Variants in KIF13B observed in about 807,000 individuals in gnomAD.
KIF13B encodes the protein kinesin family member 13B.
KIF13B carries 127 observed loss-of-function variants against 222.0 expected under a neutral mutation model. The observed-to-expected ratio is 0.57, with a 90% CI of 0.50 to 0.66. The LOEUF is 0.66. KIF13B is among the 30% of genes least tolerant of loss of function. The probability of loss-of-function intolerance (pLI) is 0.00; values close to 1 mark genes in which losing one functional copy is unlikely to be tolerated. For synonymous variants in KIF13B, 976 were observed against 919.0 expected, an observed-to-expected ratio of 1.06 and a Z score of -1.12; for missense variants, 2,173 against 2,379.0, an observed-to-expected ratio of 0.91 and a Z score of 1.80.
chr8:29,247,002 A>G (rs2130658496), intron 1 of KIF13B, among the ~76,000 whole-genome samples: 1 of 152,350 alleles, frequency 6.6e-6, no homozygotes, highest in Middle Eastern at 3.4e-3. Flanking sequence ...AGAAGAATAC[A>G]AAAGTGTATA....
chr8:29,245,208 G>T, intron 2 of KIF13B, 138 bp downstream of exon 2: 1 of 672,650 alleles, frequency 1.5e-6, no homozygotes, highest in Non-Finnish European at 2.6e-6. Flanking sequence ...TTCAACTTGA[G>T]TACAGGCTCA....
At chr8:29,106,104 G>A (rs570991744) in intron 35 of KIF13B, among the ~76,000 whole-genome samples, 29 of 152,168 alleles carry the variant, frequency 1.9e-4, no homozygotes, top group African/African-American at 5.5e-4. Context: ...AAAAAGTCAC[G>A]TACAATCAAT....
At chr8:29,187,493 T>G (rs1239507612) in intron 5 of KIF13B, among the ~76,000 whole-genome samples, 1 of 152,230 alleles carries the variant, frequency 6.6e-6, no homozygotes, top group Non-Finnish European at 1.5e-5. Context: ...ATTGTGCCAC[T>G]GCACTCCAGC....
chr8:29,250,208 G>A (rs530647372), intron 1 of KIF13B: 49 of 403,844 alleles, frequency 1.2e-4, no homozygotes, highest in East Asian at 4.4e-4. Flanking sequence ...TCTAAGTGCC[G>A]TTCTCATACA....
In KIF13B at chr8:29,161,934, C is replaced by T. The variant is rs1811801777; in HGVS notation, c.1270-1067G>A. On this transcript the variant is annotated intron_variant, in intron 12 of 39. Coordinates refer to ENST00000524189, the MANE Select transcript of KIF13B (RefSeq NM_015254.4). ...CACAGTGAAGGACACATGGTGAGCA[C>T]TCAAAACATCAGTGTGGTGAATTTA... 2.0e-5 allele frequency among the ~76,000 whole-genome samples: 3 copies of T among 152,156 alleles called. No individual in the cohort carries two copies. In the South Asian group the frequency reaches 6.2e-4, roughly 32 times the overall value.
intron 1 of KIF13B, among the ~76,000 whole-genome samples, chr8:29,262,762 C>T (rs1164700379): frequency 2.1e-5 from 3 of 143,370 alleles, no homozygotes; most frequent in Non-Finnish European, 4.6e-5. Context: ...AGGGGCCCGA[C>T]GGCGCCAGGG....
intron 7 of KIF13B, 63 bp downstream of exon 7, chr8:29,181,856 G>T: frequency 9.1e-7 from 1 of 1,100,606 alleles, no homozygotes; most frequent in South Asian, 1.5e-5. Context: ...ATTAAGCCAA[G>T]AAAAAAAAGA....
At position 29,109,449 on chromosome 8, in the gene KIF13B, A is replaced by G. The variant is rs1809251261; in HGVS notation, c.4146T>C (p.Ser1382=). ...ACACACTCACTCTGTTCACATTTGG[A>G]GAACTGATACTCCTCCTGCTCAACT... ...KGKLSRRSIS[S]PNVNRLSGSR... The change falls in exon 34 of 40, where the codon TCT becomes TCC. Residue 1382 remains serine (S), a synonymous_variant. Transcript: ENST00000524189. The G allele has an allele frequency of 6.2e-7, 1 of 1,613,382 alleles. No individual in the cohort carries two copies. Among genetic ancestry groups the G allele is most frequent in the Admixed American group, 1.7e-5 (1 of 60,006 alleles).
intron 36 of KIF13B, among the ~76,000 whole-genome samples, chr8:29,093,088 G>C (rs1274511612): frequency 2.6e-5 from 4 of 152,042 alleles, no homozygotes; most frequent in Non-Finnish European, 5.9e-5. Flanking sequence ...GCAGTAACTG[G>C]GGTGCTGCCA....
At chr8:29,085,872 A>C (rs1476260486) in intron 37 of KIF13B, among the ~76,000 whole-genome samples, 1 of 147,352 alleles carries the variant, frequency 6.8e-6, no homozygotes, top group Non-Finnish European at 1.5e-5. Context: ...AAAAAAAAAA[A>C]GAGTACCTTG....
rs560530337 is a variant in KIF13B, at chr8:29,072,365, A to G, written c.4522-49T>C. The G allele has an allele frequency of 1.2e-4, 149 of 1,270,964 alleles. 2 individuals carry two copies. The South Asian group carries it at 1.4e-3, about 12-fold the overall frequency. 78.7% of individuals were successfully genotyped at this position (1,270,964 alleles called of 1,614,324 possible). A position where few individuals can be genotyped will look rare whatever the true frequency, so the allele number is the denominator to read the frequency against. ...GGCTGAGAACAGAAAACTTTCCAAC[A>G]CGAACCAAGCAGGCAGCTTTGACTT... On this transcript the variant is annotated intron_variant, in intron 38 of 39. Coordinates refer to ENST00000524189, the MANE Select transcript of KIF13B (RefSeq NM_015254.4).
chr8:29,205,793 TAA>T (rs1045681408), intron 2 of KIF13B, among the ~76,000 whole-genome samples: 1 of 151,726 alleles, frequency 6.6e-6, no homozygotes. Flanking sequence ...TACTTCAAAT[TAA>T]AAAGAGGCCA....
intron 2 of KIF13B, among the ~76,000 whole-genome samples, chr8:29,224,198 T>C (rs1254668976): frequency 6.6e-6 from 1 of 150,500 alleles, no homozygotes; most frequent in Non-Finnish European, 1.5e-5. Context: ...AGAGATGGGG[T>C]TTCACCGTGT....
In KIF13B at chr8:29,075,207, G is replaced by C. The variant is rs1417828714; in HGVS notation, c.4521+74C>G. The stretch of plus-strand genomic sequence containing the variant: ...GCTAACATCAAAAACTGTGGGTGTG[G>C]ACTCAACAGTTTCGGCATCAGGGCC... On this transcript the variant is annotated intron_variant, in intron 38 of 39. Coordinates refer to ENST00000524189, the MANE Select transcript of KIF13B (RefSeq NM_015254.4). The C allele has an allele frequency of 4.3e-6, 5 of 1,157,692 alleles. No individual in the cohort carries two copies. The African/African-American group carries it at 4.6e-5, about 11-fold the overall frequency. 71.7% of individuals were successfully genotyped at this position (1,157,692 alleles called of 1,614,324 possible). A position where few individuals can be genotyped will look rare whatever the true frequency, so the allele number is the denominator to read the frequency against.
chr8:29,247,022 C>T (rs1180453335), intron 1 of KIF13B, among the ~76,000 whole-genome samples: 3 of 152,138 alleles, frequency 2.0e-5, no homozygotes, highest in African/African-American at 4.8e-5. Flanking sequence ...ATCCACATGG[C>T]TTTGGATTAG....
At chr8:29,263,339 G>A (rs1816760160), upstream of KIF13B, among the ~76,000 whole-genome samples, 1 of 152,246 alleles carries the variant, frequency 6.6e-6, no homozygotes, top group South Asian at 2.1e-4. Context: ...CTCGCAGCCA[G>A]TATTGAGAAG....
intron 1 of KIF13B, among the ~76,000 whole-genome samples, chr8:29,251,396 G>A (rs1163955025): frequency 2.6e-5 from 4 of 152,144 alleles, no homozygotes; most frequent in South Asian, 2.1e-4. Context: ...ACCCACTGAC[G>A]AATGGAGAAA....
chr8:29,244,014 T>G (rs1177948764), intron 2 of KIF13B, among the ~76,000 whole-genome samples: 1 of 151,304 alleles, frequency 6.6e-6, no homozygotes, highest in East Asian at 1.9e-4. Context: ...CCAGGGCTCT[T>G]TTCTTTTCTT....
chr8:29,124,871 A>G (rs1363818615), intron 26 of KIF13B, among the ~76,000 whole-genome samples: 1 of 147,960 alleles, frequency 6.8e-6, no homozygotes, highest in African/African-American at 2.5e-5. Flanking sequence ...CAACAAGAAC[A>G]AAACTCCATC....
Sources: gnomAD v4.1 joint callset for allele counts (sites outside exome capture counted in the v4.1 genomes callset) on GRCh38, gnomAD v4.1.1 for gene constraint, MANE v1.5 for transcripts, NCBI Gene and HGNC (gene_info 2026-07-23, HGNC 2026-07-21) for gene names.